CNTNAP5: variants seen among roughly 807,000 people sequenced by gnomAD.
The protein encoded by CNTNAP5 is contactin-associated protein-like 5.
In CNTNAP5, 72 loss-of-function variants were observed where a neutral mutation model predicts 150.2. That is an observed-to-expected ratio of 0.48 (90% confidence interval 0.40 to 0.58). The LOEUF (loss-of-function observed/expected upper bound fraction) is 0.58, where lower values mean the gene tolerates loss of function less well. CNTNAP5 is among the 20% of genes least tolerant of loss of function. The pLI is 0.00. For missense variants in CNTNAP5, 1,636 were observed against 1,626.2 expected, an observed-to-expected ratio of 1.01 and a Z score of -0.10; for synonymous variants, 672 against 619.8, an observed-to-expected ratio of 1.08 and a Z score of -1.25.
Position 124,067,800 on chromosome 2 carries a change from C to T in CNTNAP5, c.82+42068C>T, listed in dbSNP as rs576444875. Among the ~76,000 whole-genome samples the T allele has an allele frequency of 6.6e-5, 10 of 152,206 alleles. No homozygotes were observed. In the South Asian group the frequency reaches 2.1e-3, roughly 32 times the overall value. ...TTTCTTGAGAAAGCTTTGGTGTTTG[C>T]CGAAGTTAGAACTTGTATTTTCCAT... On this transcript the variant is annotated intron_variant, in intron 1 of 23. Coordinates refer to ENST00000682447, the MANE Select transcript of CNTNAP5 (RefSeq NM_001367498.1).
intron 3 of CNTNAP5, among the ~76,000 whole-genome samples, chr2:124,374,706 A>G (rs1423903178): frequency 3.3e-5 from 5 of 152,104 alleles, no homozygotes; most frequent in Admixed American, 2.0e-4. Context: ...ATTAGGAATG[A>G]CCACACCTAG....
At chr2:124,244,563 G>A (rs1274381612) in intron 3 of CNTNAP5, among the ~76,000 whole-genome samples, 1 of 152,136 alleles carries the variant, frequency 6.6e-6, no homozygotes, top group Admixed American at 6.6e-5. Flanking sequence ...GATGCTTGCA[G>A]TGGCTGCAGG....
At chr2:124,804,459 T>C (rs867054898) in intron 19 of CNTNAP5, among the ~76,000 whole-genome samples, 16 of 152,314 alleles carry the variant, frequency 1.1e-4, no homozygotes, top group Middle Eastern at 6.8e-3. Flanking sequence ...TGAACTGAGT[T>C]GTGAACCACC....
intron 21 of CNTNAP5, among the ~76,000 whole-genome samples, chr2:124,900,353 T>C (rs1477897403): frequency 6.6e-6 from 1 of 151,516 alleles, no homozygotes; most frequent in Non-Finnish European, 1.5e-5. Flanking sequence ...TTTTGTCTTA[T>C]TTTTGTTTTT....
chr2:124,336,049 TA>T (rs562107713), intron 3 of CNTNAP5, among the ~76,000 whole-genome samples: 57 of 148,514 alleles, frequency 3.8e-4, no homozygotes, highest in South Asian at 6.4e-4. Context: ...ATGAGGGAGA[TA>T]AAAAAAAAAC....
intron 1 of CNTNAP5, among the ~76,000 whole-genome samples, chr2:124,145,811 T>TAAAAAAAAAAAAAAAAAAAAAAAA (rs761766577): frequency 7.8e-5 from 1 of 12,782 alleles, no homozygotes; most frequent in African/African-American, 4.4e-4. Context: ...AAAAAAAACA[T>TAAAAAAAAAAAAAAAAAAAAAAAA]TAAAAAAAAA....
intron 17 of CNTNAP5, among the ~76,000 whole-genome samples, chr2:124,777,995 G>T (rs1455053137): frequency 6.6e-6 from 1 of 152,062 alleles, no homozygotes; most frequent in Admixed American, 6.6e-5. Flanking sequence ...AGTAAAGAAA[G>T]AAATCATTAG....
intron 1 of CNTNAP5, among the ~76,000 whole-genome samples, chr2:124,189,533 G>A (rs1685412217): frequency 6.6e-6 from 1 of 152,162 alleles, no homozygotes; most frequent in Admixed American, 6.5e-5. Context: ...AAGTTTTTGA[G>A]CATTTTATAG....
intron 1 of CNTNAP5, among the ~76,000 whole-genome samples, chr2:124,104,012 TATATTATAA>T (rs1416183503): frequency 4.1e-5 from 6 of 147,890 alleles, no homozygotes; most frequent in African/African-American, 1.2e-4. Context: ...TATATATTTA[TATATTATAA>T]ATATATGTAT....
In CNTNAP5 at chr2:124,692,930, G is replaced by A. The variant is rs570060811; in HGVS notation, c.2077+44972G>A. ...AGCTTCTTTAACTCCCTCCCAGCTT[G>A]TGATTCCCCAAAGGGCACATCCATC... is the stretch of plus-strand genomic sequence containing the variant. On this transcript the variant is annotated intron_variant, in intron 13 of 23. Coordinates refer to ENST00000682447, the MANE Select transcript of CNTNAP5 (RefSeq NM_001367498.1). 2.6e-5 allele frequency among the ~76,000 whole-genome samples: 4 copies of A among 152,214 alleles called. No individual in the cohort carries two copies. In the South Asian group the frequency reaches 8.3e-4, roughly 32 times the overall value.
intron 18 of CNTNAP5, among the ~76,000 whole-genome samples, chr2:124,793,427 T>G (rs1168829149): frequency 3.9e-5 from 6 of 152,234 alleles, no homozygotes; most frequent in Admixed American, 3.3e-4. Context: ...GTTTGGAATA[T>G]AATTCCCTTA....
intron 3 of CNTNAP5, among the ~76,000 whole-genome samples, chr2:124,329,335 C>A (rs930898535): frequency 3.3e-5 from 5 of 152,124 alleles, no homozygotes; most frequent in Admixed American, 1.3e-4. Context: ...AAGACTCTTA[C>A]GAAGCAATTT....
At chr2:124,856,228 T>C (rs759763661) in intron 19 of CNTNAP5, among the ~76,000 whole-genome samples, 21 of 152,306 alleles carry the variant, frequency 1.4e-4, no homozygotes, top group Non-Finnish European at 2.6e-4. Context: ...AATTTCTTAA[T>C]CTGCTAGTTG....
intron 3 of CNTNAP5, among the ~76,000 whole-genome samples, chr2:124,388,339 A>G (rs1471399347): frequency 1.3e-5 from 2 of 150,354 alleles, no homozygotes; most frequent in Non-Finnish European, 3.0e-5. Context: ...AGCTACCACC[A>G]GAACCCTGTG....
At chr2:124,650,658 T>G (rs960225989) in intron 13 of CNTNAP5, among the ~76,000 whole-genome samples, 9 of 152,178 alleles carry the variant, frequency 5.9e-5, no homozygotes, top group Non-Finnish European at 1.0e-4. Flanking sequence ...GAATCTGTGG[T>G]CTATGCTGGG....
chr2:124,281,249 C>G (rs1688006272), intron 3 of CNTNAP5, among the ~76,000 whole-genome samples: 1 of 151,874 alleles, frequency 6.6e-6, no homozygotes, highest in Non-Finnish European at 1.5e-5. Flanking sequence ...TCTTTTACAC[C>G]CCCTTCTCCT....
At chr2:124,212,013 A>G (rs2104725883) in intron 1 of CNTNAP5, among the ~76,000 whole-genome samples, 1 of 152,314 alleles carries the variant, frequency 6.6e-6, no homozygotes, top group South Asian at 2.1e-4. Flanking sequence ...CTAGTGAGAA[A>G]GACAACGTTC....
intron 10 of CNTNAP5, among the ~76,000 whole-genome samples, chr2:124,561,980 A>G (rs1014108538): frequency 7.2e-5 from 11 of 152,270 alleles, no homozygotes; most frequent in Middle Eastern, 3.4e-3. Flanking sequence ...TTCAAAAATT[A>G]TGGTATGTAT....
chr2:124,285,954 A>T (rs921570120), intron 3 of CNTNAP5, among the ~76,000 whole-genome samples: 1 of 152,164 alleles, frequency 6.6e-6, no homozygotes, highest in Non-Finnish European at 1.5e-5. Context: ...TTAAGATCTC[A>T]TTTGGGTACC....
Sources: gnomAD v4.1 joint callset for allele counts (sites outside exome capture counted in the v4.1 genomes callset) on GRCh38, gnomAD v4.1.1 for gene constraint, MANE v1.5 for transcripts, NCBI Gene and HGNC (gene_info 2026-07-23, HGNC 2026-07-21) for gene names.